The following PARD3B variants were observed in gnomAD, a reference collection of about 807,000 sequenced individuals.
PARD3B encodes the protein partitioning defective 3 homolog B.
Under a neutral mutation model 130.2 loss-of-function variants are expected in PARD3B, and 103 were observed. The observed-to-expected ratio is 0.79, with a 90% CI of 0.67 to 0.93. The LOEUF is 0.93. Ranked by LOEUF, PARD3B falls within the 40% of genes least tolerant of loss-of-function variation. The pLI is 0.00. For missense variants in PARD3B, 1,609 were observed against 1,499.2 expected, an observed-to-expected ratio of 1.07 and a Z score of -1.21; for synonymous variants, 583 against 553.2, an observed-to-expected ratio of 1.05 and a Z score of -0.76.
intron 2 of PARD3B, 63 bp from the exon 3 acceptor site, chr2:204,965,089 A>G: frequency 6.7e-7 from 1 of 1,497,550 alleles, no homozygotes. Context: ...ACGTTCAGCT[A>G]GATAGTGTCC....
chr2:205,347,465 A>G (rs1486279637), intron 18 of PARD3B, among the ~76,000 whole-genome samples: 1 of 152,208 alleles, frequency 6.6e-6, no homozygotes, highest in Non-Finnish European at 1.5e-5. Flanking sequence ...AATTTATGCT[A>G]TTTGGTAGTC....
intron 2 of PARD3B, among the ~76,000 whole-genome samples, chr2:204,914,569 A>G (rs974941445): frequency 3.3e-5 from 5 of 152,168 alleles, no homozygotes; most frequent in Admixed American, 6.5e-5. Context: ...AAGGGAGTAG[A>G]GGAGCTGTTT....
At chr2:204,798,499 T>G (rs1349877832) in intron 2 of PARD3B, among the ~76,000 whole-genome samples, 1 of 152,134 alleles carries the variant, frequency 6.6e-6, no homozygotes. Context: ...CCCAGTGATG[T>G]GCTGGGTTCA....
rs369582498 is a variant in PARD3B, at chr2:205,461,534, C to T, written c.3044+20862C>T. ...TCTCCAGCTGTCCAGGGACATGCAC[C>T]CTCTACCTCCCAGAGACCTAACCTA... is the stretch of plus-strand genomic sequence containing the variant. On this transcript the variant is annotated intron_variant, in intron 20 of 22. Transcript: ENST00000406610. The surrounding 1 kb of genome is among the most constrained non-coding windows in gnomAD (Gnocchi z 4.3). Among the ~76,000 whole-genome samples, 1 of 152,148 alleles carries T rather than the reference C, an allele frequency of 6.6e-6. No homozygotes were observed. The highest frequency in any genetic ancestry group is 2.4e-5 in the African/African-American group (1 of 41,446).
At position 205,280,884 on chromosome 2, in the gene PARD3B, T is replaced by C. The variant is rs1283837646; in HGVS notation, c.2186-19646T>C. Among the ~76,000 whole-genome samples the C allele has an allele frequency of 2.6e-5, 4 of 152,208 alleles. No homozygotes were observed. The East Asian group carries it at 7.7e-4, about 29-fold the overall frequency. On this transcript the variant is annotated intron_variant, in intron 16 of 22. Coordinates refer to ENST00000406610, the MANE Select transcript of PARD3B (RefSeq NM_001302769.2). This position sits in a 1 kb window ranked among gnomAD's most constrained non-coding sequence, Gnocchi z 4.7. ...GGATTTGGATGAAGTGTTTATTTAG[T>C]TTGCTGGCTGTTTCAAGATGCTGTG... is the stretch of plus-strand genomic sequence containing the variant.
At chr2:205,049,434 A>G (rs1373243059) in intron 4 of PARD3B, among the ~76,000 whole-genome samples, 1 of 152,156 alleles carries the variant, frequency 6.6e-6, no homozygotes, top group African/African-American at 2.4e-5. Context: ...AACTGTGCCC[A>G]TGATCCAGTC....
Position 205,153,844 on chromosome 2 carries a change from T to C in PARD3B, c.1435-4878T>C, listed in dbSNP as rs534683110. On this transcript the variant is annotated intron_variant, in intron 10 of 22. Transcript: ENST00000406610. ...GTGCTGGGAAAACTGGCTAGCCATA[T>C]GTAGAAAGCTGAAACTGGATCCCTT... Among the ~76,000 whole-genome samples, 7 of 152,344 alleles carry C rather than the reference T, an allele frequency of 4.6e-5. No homozygotes were observed. The South Asian group carries it at 1.5e-3, about 32-fold the overall frequency.
At chr2:204,980,245 TA>T (rs1692548963) in intron 3 of PARD3B, among the ~76,000 whole-genome samples, 1 of 152,194 alleles carries the variant, frequency 6.6e-6, no homozygotes, top group African/African-American at 2.4e-5. Flanking sequence ...AAAAGCACAT[TA>T]AAACCACATT....
chr2:205,153,258 C>G (rs1298535590), intron 10 of PARD3B, among the ~76,000 whole-genome samples: 2 of 152,184 alleles, frequency 1.3e-5, no homozygotes, highest in Non-Finnish European at 2.9e-5. Context: ...AAGAGGCAGT[C>G]TGTCTGTTCT....
intron 2 of PARD3B, among the ~76,000 whole-genome samples, chr2:204,855,571 A>T (rs1270562116): frequency 6.7e-6 from 1 of 148,808 alleles, no homozygotes; most frequent in Non-Finnish European, 1.5e-5. Flanking sequence ...ATATATATAT[A>T]TAAGGAATTT....
chr2:205,153,650 A>G (rs536348124), intron 10 of PARD3B, among the ~76,000 whole-genome samples: 44 of 152,320 alleles, frequency 2.9e-4, no homozygotes, highest in Non-Finnish European at 5.9e-4. Context: ...AAACTTTACT[A>G]CAAGGCTACA....
intron 1 of PARD3B, among the ~76,000 whole-genome samples, chr2:204,602,013 A>T (rs1025334492): frequency 1.3e-5 from 2 of 152,010 alleles, no homozygotes; most frequent in African/African-American, 4.8e-5. Flanking sequence ...AAAACCAGAG[A>T]TCATTGACTT....
At chr2:205,615,345 C>T (rs1427176903) in intron 22 of PARD3B, 111 bp from the exon 23 acceptor site, 11 of 834,402 alleles carry the variant, frequency 1.3e-5, no homozygotes, top group Non-Finnish European at 1.9e-5. Context: ...ATCCCATTGG[C>T]CAGACCTATG....
In PARD3B at chr2:205,550,955, G is replaced by GTGTGTATATATATATATA. The variant is rs796567936; in HGVS notation, c.3181-2368_3181-2367insGTGTATATATATATATAT. ...TGTGTGTGTGTGTATATATATATGT[G>GTGTGTATATATATATATA]TATATATATATATATATATATACAC... On this transcript the variant is annotated intron_variant, in intron 21 of 22. Transcript: ENST00000406610. This position sits in a 1 kb window ranked among gnomAD's most constrained non-coding sequence, Gnocchi z 4.5. Among the ~76,000 whole-genome samples the GTGTGTATATATATATATA allele has an allele frequency of 8.6e-4, 81 of 94,218 alleles. No individual in the cohort carries two copies. The highest frequency in any genetic ancestry group is 1.9e-3 in the African/African-American group (49 of 26,246). The allele number at this position is 94,218 out of a possible 152,430, so 61.8% of individuals were successfully genotyped here.
chr2:204,992,217 C>T (rs13021724), intron 3 of PARD3B, among the ~76,000 whole-genome samples: 46,888 of 141,166 alleles, frequency 0.33, 8,288 homozygotes, highest in Admixed American at 0.46. Context: ...TTAGGTCTAA[C>T]GTTTAAATCT....
rs1349450034 is a variant in PARD3B at position 204,907,737 on chromosome 2, T to C, written c.223-57415T>C. Among the ~76,000 whole-genome samples, 1 of 152,160 alleles carries C rather than the reference T, an allele frequency of 6.6e-6. No individual in the cohort carries two copies. Among genetic ancestry groups the C allele is most frequent in the Non-Finnish European group, 1.5e-5 (1 of 68,028 alleles). Reference sequence around the variant, plus strand: ...TTGTTTTTGACACAGAGTCTCACTCTGTCACCCAGGCTAGAGTACAGTGTT... The same window carrying C: ...TTGTTTTTGACACAGAGTCTCACTCCGTCACCCAGGCTAGAGTACAGTGTT... On this transcript the variant is annotated intron_variant, in intron 2 of 22. Transcript: ENST00000406610. The surrounding 1 kb of genome is among the most constrained non-coding windows in gnomAD (Gnocchi z 5.7).
intron 2 of PARD3B, among the ~76,000 whole-genome samples, chr2:204,771,910 T>A (rs1207715340): frequency 6.6e-6 from 1 of 152,078 alleles, no homozygotes; most frequent in East Asian, 1.9e-4. Context: ...GTAATTTTAA[T>A]ATGCTGGAAA....
At chr2:205,538,776 G>T (rs1440354780) in intron 21 of PARD3B, among the ~76,000 whole-genome samples, 1 of 152,088 alleles carries the variant, frequency 6.6e-6, no homozygotes, top group Non-Finnish European at 1.5e-5. Flanking sequence ...CTCTCCAAGT[G>T]TTTTTGTTTT....
At chr2:205,445,554 G>A (rs770132722) in intron 20 of PARD3B, among the ~76,000 whole-genome samples, 20 of 152,082 alleles carry the variant, frequency 1.3e-4, no homozygotes, top group Non-Finnish European at 2.5e-4. Flanking sequence ...CGGATCTCAC[G>A]AGAACTCACT....
Sources: allele counts gnomAD v4.1 joint callset (sites outside exome capture counted in the v4.1 genomes callset), GRCh38; gene constraint gnomAD v4.1.1; non-coding constraint Gnocchi (gnomAD v3.1); transcripts MANE v1.5; gene names NCBI Gene and HGNC (gene_info 2026-07-23, HGNC 2026-07-21).